Variants in DSCC1 observed in about 807,000 individuals in gnomAD.
DSCC1 encodes sister chromatid cohesion protein DCC1.
Under a neutral mutation model 48.2 loss-of-function variants are expected in DSCC1, and 32 were observed. The ratio of observed to expected loss-of-function variants is 0.66; its 90% CI spans 0.50 to 0.89. The LOEUF is 0.89. DSCC1 is among the 40% of genes least tolerant of loss of function. The pLI, the probability that DSCC1 is intolerant of heterozygous loss-of-function variation, is 0.00. For synonymous variants in DSCC1, 150 were observed against 171.5 expected (o/e 0.87, Z 0.98); for missense variants, 421 against 471.7 (o/e 0.89, Z 1.00).
chr8:119,849,910 A>T (rs942558099), intron 3 of DSCC1, among the ~76,000 whole-genome samples: 7 of 152,130 alleles, frequency 4.6e-5, no homozygotes, highest in Admixed American at 2.0e-4. Context: ...TACTTTGTTT[A>T]TGTTTTTCCA....
intron 6 of DSCC1, 101 bp from the exon 7 acceptor site, chr8:119,842,049 C>A: frequency 7.7e-7 from 1 of 1,299,094 alleles, no homozygotes; most frequent in Non-Finnish European, 1.0e-6. Context: ...AGGAATTATA[C>A]ACCTAAACTC....
At chr8:119,855,483 C>G (rs576706530) in intron 1 of DSCC1, 131 bp downstream of exon 1, 10 of 1,290,696 alleles carry the variant, frequency 7.7e-6, no homozygotes, top group Non-Finnish European at 1.0e-5. Flanking sequence ...TCCTCGGGAA[C>G]AGGCAGCTTG....
chr8:119,849,696 T>C (rs866645954), intron 3 of DSCC1, among the ~76,000 whole-genome samples: 1 of 152,200 alleles, frequency 6.6e-6, no homozygotes, highest in Non-Finnish European at 1.5e-5. Context: ...TGCACAACTC[T>C]GAGAATGTAC....
At chr8:119,843,461 CA>C (rs1826804979) in intron 5 of DSCC1, 147 bp downstream of exon 5, 3 of 1,227,122 alleles carry the variant, frequency 2.4e-6, no homozygotes, top group Non-Finnish European at 3.3e-6. Flanking sequence ...CCAAAATTCC[CA>C]AATCTTCTTC....
At chr8:119,855,353 C>T (rs182626012) in intron 1 of DSCC1, among the ~76,000 whole-genome samples, 12 of 152,296 alleles carry the variant, frequency 7.9e-5, no homozygotes, top group African/African-American at 2.6e-4. Flanking sequence ...AAAAACTTCA[C>T]GGAGGTTGTA....
At chr8:119,854,325 CAG>C (rs750883105) in intron 1 of DSCC1, among the ~76,000 whole-genome samples, 3 of 152,212 alleles carry the variant, frequency 2.0e-5, no homozygotes, top group African/African-American at 7.2e-5. Flanking sequence ...ATGGCAATGA[CAG>C]GGGAGTTGGT....
intron 4 of DSCC1, among the ~76,000 whole-genome samples, chr8:119,844,575 G>C (rs1468988248): frequency 2.7e-5 from 4 of 150,686 alleles, no homozygotes; most frequent in Non-Finnish European, 5.9e-5. Flanking sequence ...CTTTTCTCAA[G>C]TGCTTTCTTT....
rs1465496464 is a variant in DSCC1 at position 119,841,920 on chromosome 8, A to G, written c.798T>C (p.Asp266=). 1 of 1,613,978 alleles carries G rather than the reference A, an allele frequency of 6.2e-7. No homozygotes were observed. Among genetic ancestry groups the G allele is most frequent in the Non-Finnish European group, 8.5e-7 (1 of 1,180,000 alleles). The change falls in exon 7 of 9, where the codon GAT becomes GAC. Residue 266 remains aspartate, a synonymous_variant. Transcript: ENST00000313655. The part of the protein sequence containing the change: ...EGEVYFELDA[D]KICRAAARML... ...TTCGTGCTGCTGCTCTACATATTTT[A>G]TCAGCATCCAACTCAAAATAAACTT...
At chr8:119,841,399 G>A (rs1327484886) in intron 7 of DSCC1, among the ~76,000 whole-genome samples, 1 of 152,154 alleles carries the variant, frequency 6.6e-6, no homozygotes. Context: ...TTGCTGTTTA[G>A]AGGCAGAAAA....
chr8:119,849,397 A>G (rs975593954), intron 3 of DSCC1, among the ~76,000 whole-genome samples: 2 of 152,090 alleles, frequency 1.3e-5, no homozygotes, highest in African/African-American at 4.8e-5. Context: ...GAAGAGCAAA[A>G]CTCCGTCTGC....
chr8:119,837,265 C>CT (rs1355502004), intron 8 of DSCC1, among the ~76,000 whole-genome samples: 1 of 152,072 alleles, frequency 6.6e-6, no homozygotes, highest in Non-Finnish European at 1.5e-5. Flanking sequence ...GGATCCAAGT[C>CT]TTTAAGAAGG....
chr8:119,855,625 C>A lies in DSCC1; in HGVS notation c.171G>T (p.Glu57Asp). The A allele has an allele frequency of 6.5e-7, 1 of 1,545,356 alleles. No homozygotes were observed. The change falls in exon 1 of 9, where the codon GAG becomes GAT. Residue 57 changes from glutamate (E) to aspartate (D), a missense_variant. Transcript: ENST00000313655. ...ELEPTLCQQL[E>D]DGHSLVIRGD... is the part of the protein sequence containing the mutation. ...TGACCAGGGCTCACCTGTGTCCATC[C>A]TCCAGCTGCTGGCACAGCGTGGGCT...
chr8:119,833,980 T>G lies in DSCC1; in HGVS notation c.*913A>C, dbSNP rs911433382. On this transcript the variant is annotated 3_prime_UTR_variant, in exon 9 of 9. Coordinates refer to ENST00000313655, the MANE Select transcript of DSCC1 (RefSeq NM_024094.3). ...ATATATATCATATAATCCATATAAA[T>G]GCAGAAACATTTATTGAAAGACATT... The G allele has an allele frequency of 2.6e-5, 4 of 152,232 alleles. No homozygotes were observed. The highest frequency in any genetic ancestry group is 7.2e-5 in the African/African-American group (3 of 41,468). 9.4% of individuals were successfully genotyped at this position (152,232 alleles called of 1,614,324 possible).
At chr8:119,844,150 A>T (rs1425783921) in intron 4 of DSCC1, among the ~76,000 whole-genome samples, 1 of 152,062 alleles carries the variant, frequency 6.6e-6, no homozygotes, top group East Asian at 1.9e-4. Context: ...CAAAAAAGAG[A>T]CACTAGGCTG....
chr8:119,835,753 C>T (rs1826671412), intron 8 of DSCC1, among the ~76,000 whole-genome samples: 1 of 152,068 alleles, frequency 6.6e-6, no homozygotes, highest in South Asian at 2.1e-4. Flanking sequence ...AACCTGGATA[C>T]AAGGTACCTG....
At chr8:119,855,460 C>G (rs969864275) in intron 1 of DSCC1, among the ~76,000 whole-genome samples, 154 bp downstream of exon 1, 3 of 152,220 alleles carry the variant, frequency 2.0e-5, no homozygotes, top group Non-Finnish European at 1.5e-5. Flanking sequence ...GACGGCCCAC[C>G]GGAGGCGTGG....
intron 6 of DSCC1, 113 bp downstream of exon 6, chr8:119,842,663 G>T: frequency 1.1e-6 from 1 of 899,912 alleles, no homozygotes; most frequent in Non-Finnish European, 1.8e-6. Context: ...TGGGATTATA[G>T]GTGTGAGCCA....
At chr8:119,855,533 T>A in intron 1 of DSCC1, 81 bp downstream of exon 1, 2 of 1,480,640 alleles carry the variant, frequency 1.4e-6, no homozygotes, top group Non-Finnish European at 1.8e-6. Flanking sequence ...TCTCTGGCCC[T>A]GTTTTCTTAT....
At chr8:119,835,112 C>G (rs929778701) in intron 8 of DSCC1, 111 bp from the exon 9 acceptor site, 2 of 727,368 alleles carry the variant, frequency 2.7e-6, no homozygotes, top group Non-Finnish European at 4.4e-6. Context: ...TCTCAACAAG[C>G]GTAAGTGTAG....
Sources: allele counts gnomAD v4.1 joint callset (sites outside exome capture counted in the v4.1 genomes callset), GRCh38; gene constraint gnomAD v4.1.1; transcripts MANE v1.5; gene names NCBI Gene and HGNC (gene_info 2026-07-23, HGNC 2026-07-21).